The following DNAH11 variants were observed in gnomAD, a reference collection of about 807,000 sequenced individuals.
DNAH11 encodes the protein dynein axonemal heavy chain 11, also known as axonemal beta dynein heavy chain 11.
DNAH11 carries 442 observed loss-of-function variants against 526.0 expected under a neutral mutation model. The observed-to-expected ratio is 0.84, with a 90% CI of 0.78 to 0.91. The LOEUF (loss-of-function observed/expected upper bound fraction) is 0.91, where lower values mean the gene tolerates loss of function less well. Among genes scored for constraint, DNAH11 ranks in the 40% least tolerant of loss-of-function variants. DNAH11 has a pLI of 0.00. For missense variants in DNAH11, 6,989 were observed against 5,448.7 expected (o/e 1.28, Z -8.90); for synonymous variants, 2,461 against 1,935.9 (o/e 1.27, Z -7.12).
At chr7:21,622,459 GA>G (rs1243207844) in intron 25 of DNAH11, among the ~76,000 whole-genome samples, 1 of 152,046 alleles carries the variant, frequency 6.6e-6, no homozygotes, top group Non-Finnish European at 1.5e-5. Context: ...CACAGAATTG[GA>G]AAAAACTACT....
intron 2 of DNAH11, among the ~76,000 whole-genome samples, chr7:21,552,793 T>G (rs1783070051): frequency 6.6e-6 from 1 of 152,220 alleles, no homozygotes; most frequent in African/African-American, 2.4e-5. Flanking sequence ...TCTAGGGACA[T>G]GCCCAGAATA....
In DNAH11 at chr7:21,543,135, G is replaced by A; in HGVS notation, c.-111G>A. Reference sequence around the variant, plus strand: ...TGGGAGACTAGGGTCTGCGCTCGCGGCGACCGCGGAGGAGGGTGGGCGCCT... The same window carrying A: ...TGGGAGACTAGGGTCTGCGCTCGCGACGACCGCGGAGGAGGGTGGGCGCCT... On this transcript the variant is annotated 5_prime_UTR_variant, in exon 1 of 82. Transcript: ENST00000409508. The A allele has an allele frequency of 7.0e-7, 1 of 1,433,652 alleles. No individual in the cohort carries two copies. Among genetic ancestry groups the A allele is most frequent in the Non-Finnish European group, 9.1e-7 (1 of 1,101,042 alleles). 88.8% of individuals were successfully genotyped at this position (1,433,652 alleles called of 1,614,324 possible).
intron 33 of DNAH11, 33 bp downstream of exon 33, chr7:21,687,288 T>C (rs1484555490): frequency 6.4e-7 from 1 of 1,555,316 alleles, no homozygotes; most frequent in Admixed American, 2.0e-5. Context: ...TGTAAAACTT[T>C]ATTCTCTAAC....
At chr7:21,643,179 T>G (rs1276895494) in intron 28 of DNAH11, among the ~76,000 whole-genome samples, 3 of 152,134 alleles carry the variant, frequency 2.0e-5, no homozygotes, top group African/African-American at 4.8e-5. Context: ...TCTTTGGTAT[T>G]TTTTTCCCCT....
At chr7:21,809,538 T>C (rs1339167729) in intron 63 of DNAH11, among the ~76,000 whole-genome samples, 1 of 152,020 alleles carries the variant, frequency 6.6e-6, no homozygotes, top group East Asian at 1.9e-4. Flanking sequence ...TGATTTTTGG[T>C]TTTTGTTTTG....
intron 28 of DNAH11, among the ~76,000 whole-genome samples, chr7:21,652,945 C>T (rs1445134519): frequency 1.3e-5 from 2 of 152,038 alleles, no homozygotes; most frequent in Non-Finnish European, 2.9e-5. Context: ...GGTGCCTTCT[C>T]GGCTCACTGC....
At position 21,765,610 on chromosome 7, in the gene DNAH11, T is replaced by TCACACA. The variant is rs3219983; in HGVS notation, c.9102+65_9102+70dup. ...TTGAGGTATGCCGTGTCAGCCTGCGTCACACACACACACACACACACACAC... is the reference window on the plus strand; with the variant it reads ...TTGAGGTATGCCGTGTCAGCCTGCGTCACACACACACACACACACACACACACACAC... On this transcript the variant is annotated intron_variant, in intron 55 of 81. Transcript: ENST00000409508. 11,446 of 954,274 alleles carry TCACACA rather than the reference T, an allele frequency of 0.012. 236 individuals are homozygous for TCACACA. The highest frequency in any genetic ancestry group is 0.031 in the Admixed American group (1,113 of 36,336). The allele number at this position is 954,274 out of a possible 1,614,324, so 59.1% of individuals were successfully genotyped here.
At chr7:21,613,983 C>G (rs535101530) in intron 20 of DNAH11, among the ~76,000 whole-genome samples, 1 of 149,448 alleles carries the variant, frequency 6.7e-6, no homozygotes, top group South Asian at 2.1e-4. Flanking sequence ...TGCTACATTG[C>G]CCAGGCTGGT....
intron 57 of DNAH11, among the ~76,000 whole-genome samples, chr7:21,780,607 C>A (rs369386831): frequency 2.3e-4 from 35 of 151,922 alleles, no homozygotes; most frequent in African/African-American, 8.2e-4. Flanking sequence ...CATTTGAATT[C>A]CCAAGGAAAA....
intron 28 of DNAH11, among the ~76,000 whole-genome samples, chr7:21,639,763 C>A (rs1041963974): frequency 1.3e-5 from 2 of 152,174 alleles, no homozygotes; most frequent in African/African-American, 2.4e-5. Context: ...TCACTTAGAT[C>A]TTACAGTTGT....
At chr7:21,824,935 G>A (rs189166590) in intron 65 of DNAH11, among the ~76,000 whole-genome samples, 13 of 152,174 alleles carry the variant, frequency 8.5e-5, no homozygotes, top group Middle Eastern at 3.4e-3. Flanking sequence ...GCAGTGGCGG[G>A]ATCTTGGCTC....
intron 39 of DNAH11, 97 bp from the exon 40 acceptor site, chr7:21,707,602 A>G: frequency 1.4e-6 from 2 of 1,414,390 alleles, no homozygotes; most frequent in South Asian, 3.0e-5. Flanking sequence ...GCATCTAGGA[A>G]CATATAATGA....
intron 66 of DNAH11, chr7:21,851,341 C>T (rs1235851430): frequency 3.7e-6 from 1 of 268,372 alleles, no homozygotes; most frequent in Admixed American, 4.3e-5. Flanking sequence ...TGATGCCTCC[C>T]CAGCTATACG....
At chr7:21,717,190 A>G (rs747272465) in intron 42 of DNAH11, among the ~76,000 whole-genome samples, 1 of 120,058 alleles carries the variant, frequency 8.3e-6, no homozygotes, top group African/African-American at 3.6e-5. Flanking sequence ...ATAACATTTT[A>G]TGTTTCAGAT....
At chr7:21,804,026 G>A (rs114778392) in intron 62 of DNAH11, among the ~76,000 whole-genome samples, 221 of 152,352 alleles carry the variant, frequency 1.5e-3, no homozygotes, top group African/African-American at 5.0e-3. Flanking sequence ...AGCAAGAAAC[G>A]AGGGGGTACG....
chr7:21,607,632 A>G (rs1562696608), intron 20 of DNAH11, among the ~76,000 whole-genome samples: 1 of 151,922 alleles, frequency 6.6e-6, no homozygotes, highest in Non-Finnish European at 1.5e-5. Flanking sequence ...TCCTCTTTCA[A>G]TTAAAAAAAC....
intron 79 of DNAH11, 94 bp from the exon 80 acceptor site, chr7:21,899,242 C>G: frequency 1.0e-6 from 1 of 959,748 alleles, no homozygotes; most frequent in Non-Finnish European, 1.7e-6. Flanking sequence ...TTCTCCTCCA[C>G]CACCACCCTG....
intron 65 of DNAH11, among the ~76,000 whole-genome samples, chr7:21,831,076 C>T (rs138403963): frequency 2.0e-5 from 3 of 152,156 alleles, no homozygotes; most frequent in Non-Finnish European, 4.4e-5. Flanking sequence ...TGACAAGGGC[C>T]AGTGTAATTT....
At position 21,717,807 on chromosome 7, in the gene DNAH11, A is replaced by G. The variant is rs1430414795; in HGVS notation, c.7016A>G (p.His2339Arg). 3 of 1,613,756 alleles carry G rather than the reference A, an allele frequency of 1.9e-6. No homozygotes were observed. The highest frequency in any genetic ancestry group is 1.7e-5 in the Admixed American group (1 of 59,940). ...YVASWIDRRR[H>R]QSEKANLTIL... ...GCCAGTTGGATAGACAGAAGGCGGC[A>G]TCAATCAGAAAAGGCCAATTTGACT... The change falls in exon 43 of 82, where the codon CAT (histidine) becomes CGT (arginine). Residue 2339 changes from histidine (H) to arginine (R), a missense_variant. Coordinates refer to ENST00000409508, the MANE Select transcript of DNAH11 (RefSeq NM_001277115.2).
Sources: allele counts gnomAD v4.1 joint callset (sites outside exome capture counted in the v4.1 genomes callset), GRCh38; gene constraint gnomAD v4.1.1; transcripts MANE v1.5; gene names NCBI Gene and HGNC (gene_info 2026-07-23, HGNC 2026-07-21).